FAM227B: variants seen among roughly 807,000 people sequenced by gnomAD.
FAM227B encodes the protein protein FAM227B.
A neutral mutation model predicts 73.8 loss-of-function variants in FAM227B; 88 were observed. The ratio of observed to expected loss-of-function variants is 1.19; its 90% CI spans 1.00 to 1.42. The LOEUF (loss-of-function observed/expected upper bound fraction) is 1.42. FAM227B is among the 40% of genes most tolerant of loss of function. The pLI is 0.00. For missense variants in FAM227B, 632 were observed against 590.9 expected (o/e 1.07, Z -0.72); for synonymous variants, 210 against 190.5 (o/e 1.10, Z -0.84).
chr15:49,355,484 G>A (rs1246407167), intron 13 of FAM227B, among the ~76,000 whole-genome samples: 1 of 152,158 alleles, frequency 6.6e-6, no homozygotes, highest in Admixed American at 6.5e-5. Context: ...GGAAGAAAGG[G>A]TATCAGCGAT....
At chr15:49,585,284 C>T (rs1312574436) in intron 5 of FAM227B, among the ~76,000 whole-genome samples, 3 of 152,164 alleles carry the variant, frequency 2.0e-5, no homozygotes, top group Non-Finnish European at 1.5e-5. Context: ...GTCAATGTGG[C>T]GATTCCTCAG....
intron 10 of FAM227B, 139 bp from the exon 11 acceptor site, chr15:49,508,487 G>A (rs577190340): frequency 2.1e-5 from 13 of 622,218 alleles, no homozygotes; most frequent in South Asian, 7.2e-5. Context: ...TTTAAGCTGC[G>A]TAGGATTAGA....
At chr15:49,579,703 A>C (rs1160137912) in intron 5 of FAM227B, among the ~76,000 whole-genome samples, 3 of 152,186 alleles carry the variant, frequency 2.0e-5, no homozygotes, top group South Asian at 2.1e-4. Context: ...ATAGTTATTT[A>C]GAATGATTAA....
chr15:49,387,225 A>G (rs2046936881), intron 11 of FAM227B, among the ~76,000 whole-genome samples: 1 of 151,852 alleles, frequency 6.6e-6, no homozygotes, highest in Non-Finnish European at 1.5e-5. Flanking sequence ...CCTTATGAAC[A>G]TAGATTCAAA....
At chr15:49,493,223 A>G (rs940521691) in intron 11 of FAM227B, among the ~76,000 whole-genome samples, 1 of 151,950 alleles carries the variant, frequency 6.6e-6, no homozygotes, top group African/African-American at 2.4e-5. Flanking sequence ...TAATATTCCT[A>G]AAATGTCATT....
chr15:49,603,667 T>C (rs1448890653), intron 3 of FAM227B, among the ~76,000 whole-genome samples: 3 of 152,146 alleles, frequency 2.0e-5, no homozygotes, highest in Admixed American at 6.5e-5. Context: ...TCCAGTACTA[T>C]GGTTGAATAA....
chr15:49,574,400 T>C (rs1166412657), intron 8 of FAM227B, among the ~76,000 whole-genome samples: 1 of 151,962 alleles, frequency 6.6e-6, no homozygotes. Flanking sequence ...ATGGGAGTGG[T>C]TTCCCCCACG....
At chr15:49,460,539 CT>C (rs2053698126) in intron 11 of FAM227B, among the ~76,000 whole-genome samples, 1 of 152,140 alleles carries the variant, frequency 6.6e-6, no homozygotes, top group South Asian at 2.1e-4. Flanking sequence ...TTTGACATTT[CT>C]TCACAGTTCA....
chr15:49,562,073 G>A (rs370328710), intron 9 of FAM227B, among the ~76,000 whole-genome samples: 18 of 152,094 alleles, frequency 1.2e-4, no homozygotes, highest in African/African-American at 4.3e-4. Context: ...GATTCTTTGA[G>A]AGGATAAACA....
chr15:49,580,935 A>G (rs897461833), intron 5 of FAM227B, among the ~76,000 whole-genome samples: 1 of 152,218 alleles, frequency 6.6e-6, no homozygotes, highest in Non-Finnish European at 1.5e-5. Context: ...CACAAAAATA[A>G]ATAAAAAATA....
intron 9 of FAM227B, among the ~76,000 whole-genome samples, chr15:49,556,785 G>T (rs766273207): frequency 6.6e-6 from 1 of 152,174 alleles, no homozygotes; most frequent in Non-Finnish European, 1.5e-5. Context: ...CAAGCCTTCA[G>T]GTATGGGTAT....
At chr15:49,360,679 T>C (rs1024005672) in intron 13 of FAM227B, among the ~76,000 whole-genome samples, 5 of 152,158 alleles carry the variant, frequency 3.3e-5, no homozygotes, top group Admixed American at 2.6e-4. Flanking sequence ...CATCAAAGTT[T>C]TTCTCCTGTT....
At chr15:49,591,020 C>CTTTTTT (rs913958003) in intron 3 of FAM227B, among the ~76,000 whole-genome samples, 1 of 106,898 alleles carries the variant, frequency 9.4e-6, no homozygotes, top group South Asian at 3.3e-4. Context: ...TTCTCTTTCT[C>CTTTTTT]TTTTTTTTGT....
chr15:49,468,937 C>G (rs935558889), intron 11 of FAM227B, among the ~76,000 whole-genome samples: 4 of 151,962 alleles, frequency 2.6e-5, no homozygotes, highest in Non-Finnish European at 5.9e-5. Context: ...TTGAAAAAGT[C>G]AATTTTGAAT....
intron 5 of FAM227B, among the ~76,000 whole-genome samples, chr15:49,585,570 T>C (rs1197589190): frequency 6.6e-6 from 1 of 152,180 alleles, no homozygotes; most frequent in African/African-American, 2.4e-5. Flanking sequence ...GAAACCATCA[T>C]TCTCAGCAAA....
At chr15:49,583,121 A>C (rs1293777166) in intron 5 of FAM227B, among the ~76,000 whole-genome samples, 2 of 152,136 alleles carry the variant, frequency 1.3e-5, no homozygotes, top group African/African-American at 2.4e-5. Flanking sequence ...AAAAATAACC[A>C]AAATCAGAGC....
chr15:49,476,921 G>T (rs548633949), intron 11 of FAM227B, among the ~76,000 whole-genome samples: 1 of 152,052 alleles, frequency 6.6e-6, no homozygotes, highest in Non-Finnish European at 1.5e-5. Context: ...TTAGCCGGGC[G>T]TGGTGGCGGG....
At chr15:49,588,146 C>T (rs1432171788) in intron 4 of FAM227B, 63 bp from the exon 5 acceptor site, 14 of 1,003,486 alleles carry the variant, frequency 1.4e-5, no homozygotes, top group Non-Finnish European at 1.9e-5. Flanking sequence ...TAAAAATAAA[C>T]AAAATTTTAA....
chr15:49,575,872 G>A (rs2075407923), intron 7 of FAM227B, among the ~76,000 whole-genome samples: 1 of 152,144 alleles, frequency 6.6e-6, no homozygotes, highest in South Asian at 2.1e-4. Flanking sequence ...GTAACTACTA[G>A]AAAATATAAG....
Sources: gnomAD v4.1 joint callset for allele counts (sites outside exome capture counted in the v4.1 genomes callset) on GRCh38, gnomAD v4.1.1 for gene constraint, MANE v1.5 for transcripts, NCBI Gene and HGNC (gene_info 2026-07-23, HGNC 2026-07-21) for gene names.